The following IQCH variants were observed in gnomAD, a reference collection of about 807,000 sequenced individuals.
IQCH encodes IQ motif containing H, also known as IQ domain-containing protein H.
Under a neutral mutation model 117.0 loss-of-function variants are expected in IQCH, and 98 were observed. The ratio of observed to expected loss-of-function variants is 0.84; its 90% CI spans 0.71 to 0.99. IQCH has a LOEUF of 0.99. Ranked by LOEUF, IQCH falls within the 50% of genes least tolerant of loss-of-function variation. The pLI is 0.00. For synonymous variants in IQCH, 412 were observed against 448.2 expected, an observed-to-expected ratio of 0.92 and a Z score of 1.02; for missense variants, 1,102 against 1,243.8, an observed-to-expected ratio of 0.89 and a Z score of 1.72.
chr15:67,361,220 T>C (rs1336119041), intron 8 of IQCH, among the ~76,000 whole-genome samples: 1 of 152,204 alleles, frequency 6.6e-6, no homozygotes, highest in African/African-American at 2.4e-5. Flanking sequence ...GCTTTTCAAA[T>C]AGTACTACTA....
chr15:67,480,123 C>T (rs2083306033), intron 18 of IQCH, among the ~76,000 whole-genome samples: 1 of 152,206 alleles, frequency 6.6e-6, no homozygotes, highest in Admixed American at 6.5e-5. Context: ...CAATGTGCCA[C>T]CATCCTAAAT....
chr15:67,434,126 G>A (rs2082077263), intron 16 of IQCH, among the ~76,000 whole-genome samples: 2 of 152,088 alleles, frequency 1.3e-5, no homozygotes, highest in Admixed American at 1.3e-4. Context: ...CAAATTTCAG[G>A]TATATAATAT....
At chr15:67,357,932 C>T (rs2140738457) in intron 7 of IQCH, among the ~76,000 whole-genome samples, 1 of 152,098 alleles carries the variant, frequency 6.6e-6, no homozygotes, top group Non-Finnish European at 1.5e-5. Context: ...TATGTCGACT[C>T]ACTGCAACCT....
At chr15:67,303,087 T>C (rs574669770) in intron 4 of IQCH, among the ~76,000 whole-genome samples, 1 of 152,196 alleles carries the variant, frequency 6.6e-6, no homozygotes, top group Non-Finnish European at 1.5e-5. Context: ...TACAACATTT[T>C]AACAACTGCA....
At chr15:67,429,488 A>T (rs1180287693) in intron 16 of IQCH, among the ~76,000 whole-genome samples, 2 of 152,262 alleles carry the variant, frequency 1.3e-5, no homozygotes, top group African/African-American at 4.8e-5. Context: ...ACTGCACTCC[A>T]GCTTGAGCAA....
rs1054765268 is a variant in IQCH, at chr15:67,443,836, A to G, written c.2506-21291A>G. On this transcript the variant is annotated intron_variant, in intron 16 of 20. Coordinates refer to ENST00000335894, the MANE Select transcript of IQCH (RefSeq NM_001031715.3). This position sits in a 1 kb window ranked among gnomAD's most constrained non-coding sequence, Gnocchi z 5.0. Reference sequence around the variant, plus strand: ...CTTACTGTATTTGTATCATGTGCCAAGCACTCTGTTATGTATTTTACATGT... The same window carrying G: ...CTTACTGTATTTGTATCATGTGCCAGGCACTCTGTTATGTATTTTACATGT... 3.3e-5 allele frequency among the ~76,000 whole-genome samples: 5 copies of G among 152,238 alleles called. No individual in the cohort carries two copies. Among genetic ancestry groups the G allele is most frequent in the African/African-American group, 9.6e-5 (4 of 41,462 alleles).
chr15:67,293,153 A>G (rs1040469308), intron 4 of IQCH, among the ~76,000 whole-genome samples: 10 of 152,212 alleles, frequency 6.6e-5, no homozygotes, highest in Non-Finnish European at 1.2e-4. Flanking sequence ...TGAGTGTTGT[A>G]TAAGTATTAT....
chr15:67,440,626 T>C (rs917316459), intron 16 of IQCH, among the ~76,000 whole-genome samples: 1 of 152,174 alleles, frequency 6.6e-6, no homozygotes, highest in Non-Finnish European at 1.5e-5. Flanking sequence ...CACATGATCA[T>C]CTCAATAGAT....
At position 67,476,478 on chromosome 15, in the gene IQCH, C is replaced by T. The variant is rs1422532366; in HGVS notation, c.2799+660C>T. On this transcript the variant is annotated intron_variant, in intron 18 of 20. Coordinates refer to ENST00000335894, the MANE Select transcript of IQCH (RefSeq NM_001031715.3). This position sits in a 1 kb window ranked among gnomAD's most constrained non-coding sequence, Gnocchi z 4.1. ...TTCCTTAGAGGCCCTAGCTCCAATA[C>T]AGTCACTTGGAAGGTCAGGACACAA... 6.6e-6 allele frequency among the ~76,000 whole-genome samples: 1 copy of T among 152,234 alleles called. No homozygotes were observed. Among genetic ancestry groups the T allele is most frequent in the Admixed American group, 6.5e-5 (1 of 15,282 alleles).
chr15:67,321,090 A>C (rs926130199), intron 4 of IQCH, among the ~76,000 whole-genome samples: 4 of 152,096 alleles, frequency 2.6e-5, no homozygotes, highest in African/African-American at 9.7e-5. Flanking sequence ...TTAATGGAAA[A>C]TTTTCTAGAC....
intron 12 of IQCH, among the ~76,000 whole-genome samples, chr15:67,392,887 A>G (rs1971334322): frequency 6.6e-6 from 1 of 152,050 alleles, no homozygotes; most frequent in African/African-American, 2.4e-5. Flanking sequence ...GAAGGGCCCA[A>G]TAGGGGAAAT....
intron 4 of IQCH, among the ~76,000 whole-genome samples, chr15:67,288,474 G>C (rs1966641596): frequency 6.6e-6 from 1 of 151,954 alleles, no homozygotes; most frequent in Non-Finnish European, 1.5e-5. Flanking sequence ...ACACGTTTTT[G>C]CTGAATTAAC....
rs1333589987 is a variant in IQCH at position 67,261,179 on chromosome 15, A to G, written c.52-93A>G. 4.7e-6 allele frequency: 4 copies of G among 860,112 alleles called. No homozygotes were observed. The African/African-American group carries it at 5.4e-5, about 12-fold the overall frequency. The allele number at this position is 860,112 out of a possible 1,614,324, so 53.3% of individuals were successfully genotyped here. A position where few individuals can be genotyped will look rare whatever the true frequency, so the allele number is the denominator to read the frequency against. ...TAAAATCAGCTTTGTGTCTCTACCAATTCAAGTACATTGCAAACCTTTAAG... is the reference window on the plus strand; with the variant it reads ...TAAAATCAGCTTTGTGTCTCTACCAGTTCAAGTACATTGCAAACCTTTAAG... On this transcript the variant is annotated intron_variant, in intron 1 of 20. Coordinates refer to ENST00000335894, the MANE Select transcript of IQCH (RefSeq NM_001031715.3).
intron 4 of IQCH, among the ~76,000 whole-genome samples, chr15:67,329,727 C>T (rs1013536643): frequency 1.8e-4 from 27 of 151,984 alleles, no homozygotes; most frequent in African/African-American, 6.3e-4. Flanking sequence ...CATCACCCTC[C>T]CAAAGCACTG....
rs373463748 is a variant in IQCH at position 67,447,398 on chromosome 15, G to A, written c.2506-17729G>A. Among the ~76,000 whole-genome samples the A allele has an allele frequency of 9.7e-4, 147 of 152,244 alleles. 2 individuals are homozygous for A. The highest frequency in any genetic ancestry group is 3.9e-4 in the Admixed American group (6 of 15,294). ...TGCTGAATCTTTCCTACAAACACGA[G>A]TCTGTAGGAAACAGTGGCAAAGTCA... On this transcript the variant is annotated intron_variant, in intron 16 of 20. Coordinates refer to ENST00000335894, the MANE Select transcript of IQCH (RefSeq NM_001031715.3). This position sits in a 1 kb window ranked among gnomAD's most constrained non-coding sequence, Gnocchi z 5.3.
chr15:67,396,863 A>G (rs1971486948), intron 13 of IQCH, among the ~76,000 whole-genome samples: 1 of 152,226 alleles, frequency 6.6e-6, no homozygotes, highest in South Asian at 2.1e-4. Flanking sequence ...AGCTTATTAA[A>G]TTGCCAGCAA....
chr15:67,272,517 G>A (rs1367166557), intron 3 of IQCH, among the ~76,000 whole-genome samples: 2 of 152,132 alleles, frequency 1.3e-5, no homozygotes, highest in East Asian at 3.8e-4. Flanking sequence ...TACTGAAAGT[G>A]GGGTGCTAAA....
At chr15:67,371,076 A>C (rs1446548558) in intron 8 of IQCH, among the ~76,000 whole-genome samples, 1 of 152,130 alleles carries the variant, frequency 6.6e-6, no homozygotes, top group Non-Finnish European at 1.5e-5. Context: ...CATGTTGAAA[A>C]CAATCTATTC....
At chr15:67,398,354 A>C (rs1971535106) in intron 13 of IQCH, among the ~76,000 whole-genome samples, 1 of 152,218 alleles carries the variant, frequency 6.6e-6, no homozygotes, top group African/African-American at 2.4e-5. Context: ...TTAGAGAAAT[A>C]AGGAAACAAC....
Sources: gnomAD v4.1 joint callset for allele counts (sites outside exome capture counted in the v4.1 genomes callset) on GRCh38, gnomAD v4.1.1 for gene constraint, Gnocchi (gnomAD v3.1) non-coding constraint, MANE v1.5 for transcripts, NCBI Gene and HGNC (gene_info 2026-07-23, HGNC 2026-07-21) for gene names.